Variants in PRKDC observed in about 807,000 individuals in gnomAD.
The protein encoded by PRKDC is DNA-dependent protein kinase catalytic subunit.
In PRKDC, 82 loss-of-function variants were observed where a neutral mutation model predicts 486.9. The observed-to-expected ratio is 0.17, with a 90% CI of 0.14 to 0.20. The LOEUF (loss-of-function observed/expected upper bound fraction) is 0.20. Among genes scored for constraint, PRKDC ranks in the 10% least tolerant of loss-of-function variants. PRKDC has a pLI of 1.00. For synonymous variants in PRKDC, 1,895 were observed against 1,837.0 expected, an observed-to-expected ratio of 1.03 and a Z score of -0.81; for missense variants, 4,504 against 5,038.2, an observed-to-expected ratio of 0.89 and a Z score of 3.21.
chr8:47,782,661 AGCCAGAGTG>A lies in PRKDC; in HGVS notation c.11176-72_11176-64del. ...GCCACGTGTCAAACTCAGAGGGAAA[AGCCAGAGTG>A]GCTGTGAGCATTCCTCCGTGGGGCC... On this transcript the variant is annotated intron_variant, in intron 78 of 85. Coordinates refer to ENST00000314191, the MANE Select transcript of PRKDC (RefSeq NM_006904.7). This position sits in a 1 kb window ranked among gnomAD's most constrained non-coding sequence, Gnocchi z 4.9. 6.6e-7 allele frequency: 1 copy of A among 1,512,896 alleles called. No homozygotes were observed. The highest frequency in any genetic ancestry group is 8.9e-7 in the Non-Finnish European group (1 of 1,120,808). The allele number at this position is 1,512,896 out of a possible 1,614,324, so 93.7% of individuals were successfully genotyped here.
At chr8:47,830,503 A>G (rs1434839958) in intron 61 of PRKDC, 102 bp downstream of exon 61, 1 of 1,473,500 alleles carries the variant, frequency 6.8e-7, no homozygotes, top group Non-Finnish European at 9.2e-7. Context: ...CACCTCATCT[A>G]TGTTGCAGGA....
intron 63 of PRKDC, 54 bp from the exon 64 acceptor site, chr8:47,824,050 T>C: frequency 7.2e-7 from 1 of 1,397,534 alleles, no homozygotes. Context: ...ATTTTAAAAG[T>C]ATTTATTCTA....
In PRKDC at chr8:47,836,462, G is replaced by T. The variant is rs1256385811; in HGVS notation, c.7827C>A (p.Thr2609=). 1.2e-6 allele frequency: 2 copies of T among 1,611,918 alleles called. No homozygotes were observed. Among genetic ancestry groups the T allele is most frequent in the East Asian group, 4.5e-5 (2 of 44,834 alleles). The change falls in exon 58 of 86, where the codon ACC becomes ACA. Residue 2609 remains threonine (T), a synonymous_variant. Coordinates refer to ENST00000314191, the MANE Select transcript of PRKDC (RefSeq NM_006904.7). ...STVLTPMFVE[T]QASQGTLQTR... ...TCTGGAGAGTGCCCTGGGAGGCCTGGGTCTCCACAAACATCGGAGTGAGAA... is the reference window on the plus strand; with the variant it reads ...TCTGGAGAGTGCCCTGGGAGGCCTGTGTCTCCACAAACATCGGAGTGAGAA...
rs1198404144 is a variant in PRKDC, at chr8:47,882,010, T to C, written c.4864A>G (p.Ile1622Val). The C allele has an allele frequency of 3.1e-6, 5 of 1,613,916 alleles. No individual in the cohort carries two copies. The highest frequency in any genetic ancestry group is 4.2e-6 in the Non-Finnish European group (5 of 1,179,892). The change falls in exon 37 of 86, where the codon ATT (isoleucine) becomes GTT (valine). Residue 1622 changes from isoleucine to valine, a missense_variant. Transcript: ENST00000314191. ...KHQGLKLATT[I>V]LQHWKKCDSW... ...TCACACTTCTTCCAGTGTTGCAGAA[T>C]TGTAGTCGCAAGTTTCAGTCCTTGG...
At position 47,807,124 on chromosome 8, in the gene PRKDC, C is replaced by T. The variant is rs201218976; in HGVS notation, c.9747+13G>A. On this transcript the variant is annotated intron_variant, in intron 69 of 85. Coordinates refer to ENST00000314191, the MANE Select transcript of PRKDC (RefSeq NM_006904.7). Reference sequence around the variant, plus strand: ...CCTGTGACACAGCAGGGAGGACAGACACGAGTACCCACCTGCTTCCGGGCA... The same window carrying T: ...CCTGTGACACAGCAGGGAGGACAGATACGAGTACCCACCTGCTTCCGGGCA... The T allele has an allele frequency of 1.9e-6, 3 of 1,611,088 alleles. No individual in the cohort carries two copies. The highest frequency in any genetic ancestry group is 2.5e-6 in the Non-Finnish European group (3 of 1,178,250).
At position 47,939,485 on chromosome 8, in the gene PRKDC, T is replaced by C. The variant is rs568286147; in HGVS notation, c.1113+66A>G. ...GTATTAGACACTATTCAAAATGCAA[T>C]GAATTAGATTCCTTTAAACAATCAC... On this transcript the variant is annotated intron_variant, in intron 11 of 85. Coordinates refer to ENST00000314191, the MANE Select transcript of PRKDC (RefSeq NM_006904.7). 9 of 1,524,550 alleles carry C rather than the reference T, an allele frequency of 5.9e-6. No homozygotes were observed. The East Asian group carries it at 1.1e-4, about 19-fold the overall frequency. The allele number at this position is 1,524,550 out of a possible 1,614,324, so 94.4% of individuals were successfully genotyped here. A position where few individuals can be genotyped will look rare whatever the true frequency, so the allele number is the denominator to read the frequency against.
chr8:47,798,120 G>T, intron 73 of PRKDC, 117 bp downstream of exon 73: 1 of 1,105,090 alleles, frequency 9.0e-7, no homozygotes. Context: ...AGAATTCACA[G>T]CTGGCTGGGA....
intron 70 of PRKDC, among the ~76,000 whole-genome samples, chr8:47,801,473 A>G (rs2087107749): frequency 6.6e-6 from 1 of 152,234 alleles, no homozygotes; most frequent in African/African-American, 2.4e-5. Context: ...TCACATATTA[A>G]TGAAAAATGT....
Position 47,890,317 on chromosome 8 carries a change from A to G in PRKDC, c.4011T>C (p.Val1337=), listed in dbSNP as rs779466562. The stretch of plus-strand genomic sequence containing the variant: ...TGGTAAACTCCATAATCCGGACCAC[A>G]ACGGTGCATTTGCTGTAGTTGTACC... The part of the protein sequence containing the change: ...GERYNYSKCT[V]VVRIMEFTTT... Residue 1337 remains valine, a synonymous_variant, in exon 32 of 86, where the codon GTT becomes GTC. Coordinates refer to ENST00000314191, the MANE Select transcript of PRKDC (RefSeq NM_006904.7). 8 of 1,613,260 alleles carry G rather than the reference A, an allele frequency of 5.0e-6. No individual in the cohort carries two copies. Among genetic ancestry groups the G allele is most frequent in the Non-Finnish European group, 5.9e-6 (7 of 1,179,822 alleles).
At chr8:47,953,592 A>G in intron 7 of PRKDC, 28 bp downstream of exon 7, 2 of 1,579,756 alleles carry the variant, frequency 1.3e-6, no homozygotes, top group South Asian at 2.3e-5. Context: ...TTTTTGAATA[A>G]AGAAAATCAA....
At position 47,863,360 on chromosome 8, in the gene PRKDC, G is replaced by C. The variant is rs374397280; in HGVS notation, c.5750+39C>G. ...TAAAAATATATGTACCCAAAGCATT[G>C]ATAAATAAAATAGAATCCAAAATTA... On this transcript the variant is annotated intron_variant, in intron 42 of 85. Transcript: ENST00000314191. 12 of 1,486,428 alleles carry C rather than the reference G, an allele frequency of 8.1e-6. No homozygotes were observed. In the African/African-American group the frequency reaches 1.7e-4, roughly 21 times the overall value. 92.1% of individuals were successfully genotyped at this position (1,486,428 alleles called of 1,614,324 possible).
intron 25 of PRKDC, among the ~76,000 whole-genome samples, chr8:47,906,588 G>A (rs187735646): frequency 4.6e-5 from 7 of 150,676 alleles, no homozygotes; most frequent in Non-Finnish European, 1.0e-4. Flanking sequence ...AGCCGAGATC[G>A]TCCCACTGCA....
chr8:47,905,872 T>C (rs2089771523), intron 25 of PRKDC, among the ~76,000 whole-genome samples: 2 of 152,102 alleles, frequency 1.3e-5, no homozygotes, highest in South Asian at 4.1e-4. Context: ...TCTGGGCTCC[T>C]CCCTTATGAC....
At chr8:47,929,031 C>A in intron 19 of PRKDC, 61 bp downstream of exon 19, 5 of 1,220,318 alleles carry the variant, frequency 4.1e-6, no homozygotes, top group Admixed American at 2.2e-5. Flanking sequence ...AGGATTTTTT[C>A]AATAGATATT....
intron 68 of PRKDC, among the ~76,000 whole-genome samples, chr8:47,813,949 C>T (rs2087387748): frequency 6.6e-6 from 1 of 152,104 alleles, no homozygotes; most frequent in South Asian, 2.1e-4. Flanking sequence ...AATACCAAAA[C>T]CTGATGAAGA....
intron 40 of PRKDC, among the ~76,000 whole-genome samples, chr8:47,866,118 T>C (rs1049707297): frequency 3.4e-5 from 5 of 147,246 alleles, no homozygotes; most frequent in African/African-American, 7.6e-5. Flanking sequence ...ATCACACCAT[T>C]GTACTCCTGC....
intron 54 of PRKDC, among the ~76,000 whole-genome samples, chr8:47,847,817 A>G (rs924397431): frequency 5.9e-5 from 9 of 151,794 alleles, no homozygotes; most frequent in Non-Finnish European, 1.0e-4. Context: ...AAGTGACCCC[A>G]TTAAAAAATG....
At chr8:47,943,663 C>T (rs1376568326) in intron 9 of PRKDC, among the ~76,000 whole-genome samples, 190 bp downstream of exon 9, 1 of 152,218 alleles carries the variant, frequency 6.6e-6, no homozygotes, top group African/African-American at 2.4e-5. Context: ...GTGCTTTCAA[C>T]CATGTAACCT....
intron 68 of PRKDC, among the ~76,000 whole-genome samples, chr8:47,817,131 T>C (rs1438235649): frequency 6.6e-6 from 1 of 152,222 alleles, no homozygotes; most frequent in African/African-American, 2.4e-5. Context: ...AGTCGTCTTC[T>C]TTGTTGTCAT....
Sources: gnomAD v4.1 joint callset for allele counts (sites outside exome capture counted in the v4.1 genomes callset) on GRCh38, gnomAD v4.1.1 for gene constraint, Gnocchi (gnomAD v3.1) non-coding constraint, MANE v1.5 for transcripts, NCBI Gene and HGNC (gene_info 2026-07-23, HGNC 2026-07-21) for gene names.